The following ST14 variants were observed in gnomAD, a reference collection of about 807,000 sequenced individuals.
ST14 encodes the protein ST14 transmembrane serine protease matriptase.
ST14 carries 40 observed loss-of-function variants against 96.5 expected under a neutral mutation model. That is an observed-to-expected ratio of 0.41 (90% CI 0.32 to 0.54). The LOEUF (loss-of-function observed/expected upper bound fraction) is 0.54, where lower values mean the gene tolerates loss of function less well. Ranked by LOEUF, ST14 falls within the 20% of genes least tolerant of loss-of-function variation. The pLI, the probability that ST14 is intolerant of heterozygous loss-of-function variation, is 0.17. For missense variants in ST14, 1,066 were observed against 1,188.9 expected (o/e 0.90, Z 1.52); for synonymous variants, 506 against 492.1 (o/e 1.03, Z -0.37).
At position 130,199,330 on chromosome 11, in the gene ST14, G is replaced by T. The variant is rs555772594; in HGVS notation, c.1807+261G>T. 7.2e-5 allele frequency among the ~76,000 whole-genome samples: 11 copies of T among 152,366 alleles called. No individual in the cohort carries two copies. The South Asian group carries it at 2.3e-3, about 32-fold the overall frequency. ...GTAGCATGGCGGGGTCGTGGCTGCA[G>T]TGCGTTGCTGGCCCCTGCTGTGTAG... On this transcript the variant is annotated intron_variant, in intron 15 of 18. Transcript: ENST00000278742.
intron 1 of ST14, among the ~76,000 whole-genome samples, chr11:130,167,948 C>T (rs1017792938): frequency 1.3e-5 from 2 of 152,196 alleles, no homozygotes; most frequent in Non-Finnish European, 2.9e-5. Context: ...ATCCTGGCCT[C>T]GAGTGGTCTA....
intron 16 of ST14, among the ~76,000 whole-genome samples, chr11:130,206,497 CTTA>C (rs776247875): frequency 5.9e-5 from 9 of 151,932 alleles, no homozygotes; most frequent in Non-Finnish European, 1.2e-4. Flanking sequence ...AATGTGGTTC[CTTA>C]TTGTACCGTT....
intron 1 of ST14, among the ~76,000 whole-genome samples, chr11:130,179,385 G>A (rs920024867): frequency 2.0e-5 from 3 of 152,350 alleles, no homozygotes; most frequent in African/African-American, 7.2e-5. Flanking sequence ...GGCTTCTAGA[G>A]AGATCGATTA....
At position 130,190,678 on chromosome 11, in the gene ST14, C is replaced by T. The variant is rs1953288003; in HGVS notation, c.859C>T (p.Pro287Ser). The T allele has an allele frequency of 6.3e-7, 1 of 1,591,700 alleles. No homozygotes were observed. The highest frequency in any genetic ancestry group is 1.8e-5 in the Admixed American group (1 of 56,832). ...GTACAACACCCTGAGCCCCATGGAG[C>T]CCCACGCCCTGGTGCAGTGAGTACC... ...TVYNTLSPME[P>S]HALVQLCGTY... is the part of the protein sequence containing the mutation. Residue 287 changes from proline (P) to serine (S), a missense_variant, in exon 7 of 19, where the codon CCC (proline) becomes TCC (serine). Transcript: ENST00000278742.
rs542010199 is a variant in ST14 at position 130,160,012 on chromosome 11, G to C, written c.33G>C (p.Gly11=). The stretch of plus-strand genomic sequence containing the variant: ...GCGATCGGGCCCGCAAGGGCGGAGG[G>C]GGCCCGAAGGACTTCGGCGCGGGAC... The part of the protein sequence containing the change: MGSDRARKGG[G]GPKDFGAGLK... Residue 11 remains glycine, a synonymous_variant, in exon 1 of 19, where the codon GGG becomes GGC. Coordinates refer to ENST00000278742, the MANE Select transcript of ST14 (RefSeq NM_021978.4). 3.5e-6 allele frequency: 5 copies of C among 1,426,032 alleles called. No individual in the cohort carries two copies. In the African/African-American group the frequency reaches 6.0e-5, roughly 17 times the overall value. 88.3% of individuals were successfully genotyped at this position (1,426,032 alleles called of 1,614,324 possible).
rs370530285 is a variant in ST14 at position 130,197,807 on chromosome 11, G to T, written c.1355-34G>T. 100 of 1,518,566 alleles carry T rather than the reference G, an allele frequency of 6.6e-5. No individual in the cohort carries two copies. In the African/African-American group the frequency reaches 1.3e-3, roughly 20 times the overall value. 94.1% of individuals were successfully genotyped at this position (1,518,566 alleles called of 1,614,324 possible). ...GGAGCCAGCGGAGGGAGGTGGGTGGGTGCTGGGGGCCTCAGGCCTGCCTGT... is the reference window on the plus strand; with the variant it reads ...GGAGCCAGCGGAGGGAGGTGGGTGGTTGCTGGGGGCCTCAGGCCTGCCTGT... On this transcript the variant is annotated intron_variant, in intron 11 of 18. Transcript: ENST00000278742.
chr11:130,178,273 C>T (rs371466821), intron 1 of ST14, among the ~76,000 whole-genome samples: 4 of 152,210 alleles, frequency 2.6e-5, no homozygotes, highest in East Asian at 3.9e-4. Context: ...TCGGTCTTGC[C>T]GGGAAGAGTT....
intron 11 of ST14, 97 bp from the exon 12 acceptor site, chr11:130,197,744 T>C: frequency 9.8e-7 from 1 of 1,018,926 alleles, no homozygotes; most frequent in Non-Finnish European, 1.4e-6. Flanking sequence ...TGCTCCTGTG[T>C]GTTTGTGGCT....
intron 9 of ST14, 111 bp from the exon 10 acceptor site, chr11:130,196,228 T>C: frequency 1.2e-6 from 1 of 806,282 alleles, no homozygotes; most frequent in South Asian, 1.5e-5. Flanking sequence ...GTCTTGGTGA[T>C]GGAAGGCATA....
Position 130,187,965 on chromosome 11 carries a change from C to T in ST14, c.82-149C>T. ...GGTCTGCGCTCTGGGCAGTGGTCCC[C>T]ATGCCTCTGGGGGAAGCCCCCTTCT... On this transcript the variant is annotated intron_variant, in intron 1 of 18. Transcript: ENST00000278742. The surrounding 1 kb of genome is among the most constrained non-coding windows in gnomAD (Gnocchi z 4.5). 1 of 1,116,238 alleles carries T rather than the reference C, an allele frequency of 9.0e-7. No individual in the cohort carries two copies. The highest frequency in any genetic ancestry group is 1.4e-5 in the South Asian group (1 of 69,176). The allele number at this position is 1,116,238 out of a possible 1,614,324, so 69.1% of individuals were successfully genotyped here. A position where few individuals can be genotyped will look rare whatever the true frequency, so the allele number is the denominator to read the frequency against.
intron 1 of ST14, among the ~76,000 whole-genome samples, chr11:130,164,140 A>G (rs1375472322): frequency 6.6e-6 from 1 of 152,180 alleles, no homozygotes; most frequent in East Asian, 1.9e-4. Flanking sequence ...AGAGGAAGGG[A>G]AACGTGACAG....
rs980092944 is a variant in ST14 at position 130,181,085 on chromosome 11, C to T, written c.82-7029C>T. 6.6e-6 allele frequency among the ~76,000 whole-genome samples: 1 copy of T among 151,444 alleles called. No homozygotes were observed. The highest frequency in any genetic ancestry group is 1.5e-5 in the Non-Finnish European group (1 of 67,850). On this transcript the variant is annotated intron_variant, in intron 1 of 18. Coordinates refer to ENST00000278742, the MANE Select transcript of ST14 (RefSeq NM_021978.4). The surrounding 1 kb of genome is among the most constrained non-coding windows in gnomAD (Gnocchi z 4.1). ...TGAGATGGTGGTGGTCTGATCTTGT[C>T]CCTGCTGGATGGGATGGCGGTGGTC...
Position 130,198,327 on chromosome 11 carries a change from G to A in ST14, c.1479G>A (p.Gln493=). Residue 493 remains glutamine (Q), a synonymous_variant, in exon 13 of 19, where the codon CAG becomes CAA. Coordinates refer to ENST00000278742, the MANE Select transcript of ST14 (RefSeq NM_021978.4). ...CTCCAGGTTGCGACGCCGGCCACCAGTTCACGTGCAAGAACAAGTTCTGCA... is the reference window on the plus strand; with the variant it reads ...CTCCAGGTTGCGACGCCGGCCACCAATTCACGTGCAAGAACAAGTTCTGCA... ...ELNCSCDAGH[Q]FTCKNKFCKP... is the part of the protein sequence containing the mutation. 1.1e-5 allele frequency: 18 copies of A among 1,614,218 alleles called. No individual in the cohort carries two copies. The highest frequency in any genetic ancestry group is 1.5e-5 in the Non-Finnish European group (18 of 1,180,044).
chr11:130,165,424 C>G (rs1053352510), intron 1 of ST14, among the ~76,000 whole-genome samples: 1 of 152,210 alleles, frequency 6.6e-6, no homozygotes, highest in African/African-American at 2.4e-5. Flanking sequence ...TTGCTCAGAG[C>G]TCATGGGTAG....
intron 1 of ST14, among the ~76,000 whole-genome samples, chr11:130,162,920 C>T (rs149423741): frequency 1.3e-5 from 2 of 152,266 alleles, no homozygotes; most frequent in Admixed American, 6.5e-5. Context: ...TGTCTAGCCA[C>T]GTGATCTCAG....
At chr11:130,196,946 G>A (rs1953372323) in intron 11 of ST14, among the ~76,000 whole-genome samples, 3 of 152,130 alleles carry the variant, frequency 2.0e-5, no homozygotes, top group African/African-American at 4.8e-5. Flanking sequence ...AGGTACCTGC[G>A]GCTGGAGACG....
At chr11:130,199,280 G>A (rs929411961) in intron 15 of ST14, among the ~76,000 whole-genome samples, 3 of 152,224 alleles carry the variant, frequency 2.0e-5, no homozygotes, top group Admixed American at 1.3e-4. Context: ...AGAAAGGCCC[G>A]TACGGCCAGC....
At chr11:130,194,000 G>T in intron 7 of ST14, 149 bp from the exon 8 acceptor site, 1 of 941,156 alleles carries the variant, frequency 1.1e-6, no homozygotes, top group Non-Finnish European at 1.7e-6. Flanking sequence ...CTTGAATGAA[G>T]GTCTTTTTGA....
chr11:130,182,700 A>G (rs547070866), intron 1 of ST14, among the ~76,000 whole-genome samples: 1 of 147,676 alleles, frequency 6.8e-6, no homozygotes, highest in East Asian at 2.0e-4. Context: ...CCCAGGCTGG[A>G]GTGCAGTGGT....
Sources: gnomAD v4.1 joint callset for allele counts (sites outside exome capture counted in the v4.1 genomes callset) on GRCh38, gnomAD v4.1.1 for gene constraint, Gnocchi (gnomAD v3.1) non-coding constraint, MANE v1.5 for transcripts, NCBI Gene and HGNC (gene_info 2026-07-23, HGNC 2026-07-21) for gene names.